The following UHRF2 variants were observed in gnomAD, a reference collection of about 807,000 sequenced individuals.
The protein encoded by UHRF2 is E3 ubiquitin-protein ligase UHRF2.
In UHRF2, 23 loss-of-function variants were observed where a neutral mutation model predicts 96.8. That is an observed-to-expected ratio of 0.24 (90% CI 0.17 to 0.34). The LOEUF (loss-of-function observed/expected upper bound fraction) is 0.34, where lower values mean the gene tolerates loss of function less well. Ranked by LOEUF, UHRF2 falls within the 10% of genes least tolerant of loss-of-function variation. The pLI is 1.00. For missense variants in UHRF2, 685 were observed against 981.5 expected, an observed-to-expected ratio of 0.70 and a Z score of 4.04; for synonymous variants, 385 against 332.6, an observed-to-expected ratio of 1.16 and a Z score of -1.72.
intron 5 of UHRF2, among the ~76,000 whole-genome samples, chr9:6,475,867 A>AT (rs1164348969): frequency 6.6e-6 from 1 of 152,144 alleles, no homozygotes; most frequent in Non-Finnish European, 1.5e-5. Flanking sequence ...ACATTCTATC[A>AT]TTTTTTGTGT....
chr9:6,485,823 A>C (rs1243873528), intron 8 of UHRF2, among the ~76,000 whole-genome samples: 2 of 148,098 alleles, frequency 1.4e-5, no homozygotes, highest in African/African-American at 5.1e-5. Context: ...AAAAAAAAAA[A>C]AAAAACAAAA....
At chr9:6,491,766 A>G (rs1487341397) in intron 9 of UHRF2, among the ~76,000 whole-genome samples, 1 of 152,212 alleles carries the variant, frequency 6.6e-6, no homozygotes, top group African/African-American at 2.4e-5. Flanking sequence ...GTGCAGATAG[A>G]GCTGCTTTAT....
intron 10 of UHRF2, 160 bp downstream of exon 10, chr9:6,494,092 C>G (rs1824828887): frequency 5.0e-6 from 3 of 598,532 alleles, no homozygotes; most frequent in South Asian, 4.8e-5. Context: ...TTTCAGCATC[C>G]TAACATATCT....
Position 6,431,595 on chromosome 9 carries a change from T to A in UHRF2, c.385-2319T>A, listed in dbSNP as rs187740495. Among the ~76,000 whole-genome samples, 31 of 152,260 alleles carry A rather than the reference T, an allele frequency of 2.0e-4. 1 individual carries two copies. Among genetic ancestry groups the A allele is most frequent in the Admixed American group, 1.7e-3 (26 of 15,292 alleles). The stretch of plus-strand genomic sequence containing the variant: ...TAGCCTGTCTTAAAAAAAAAAATTC[T>A]TACGTCCAGTTGTAAATCTAGGTTT... On this transcript the variant is annotated intron_variant, in intron 2 of 15. Transcript: ENST00000276893.
At chr9:6,416,194 G>C (rs1819589772) in intron 1 of UHRF2, among the ~76,000 whole-genome samples, 1 of 152,096 alleles carries the variant, frequency 6.6e-6, no homozygotes, top group Non-Finnish European at 1.5e-5. Context: ...CTCCCAAGTA[G>C]CTGGGACTAC....
At chr9:6,421,458 G>T (rs1211263057) in intron 2 of UHRF2, among the ~76,000 whole-genome samples, 1 of 152,188 alleles carries the variant, frequency 6.6e-6, no homozygotes, top group Admixed American at 6.5e-5. Context: ...TGTCACCCAG[G>T]CTGGAGTGCA....
chr9:6,486,334 A>G (rs2130925775), intron 8 of UHRF2, among the ~76,000 whole-genome samples: 1 of 152,230 alleles, frequency 6.6e-6, no homozygotes, highest in East Asian at 1.9e-4. Flanking sequence ...AAAATCAGCA[A>G]TCCTTGTAAC....
At position 6,506,728 on chromosome 9, in the gene UHRF2, T is replaced by G. The variant is rs1816601931; in HGVS notation, c.*549T>G. The G allele has an allele frequency of 6.5e-6, 1 of 152,800 alleles. No homozygotes were observed. The highest frequency in any genetic ancestry group is 2.1e-4 in the South Asian group (1 of 4,844). The allele number at this position is 152,800 out of a possible 1,614,324, so 9.5% of individuals were successfully genotyped here. The stretch of plus-strand genomic sequence containing the variant: ...TTAGCCCACTTTGTGAACTCCATTG[T>G]GCTTTTTTCTGGTGTTTTATGCAAG... On this transcript the variant is annotated 3_prime_UTR_variant, in exon 16 of 16. Coordinates refer to ENST00000276893, the MANE Select transcript of UHRF2 (RefSeq NM_152896.3).
At chr9:6,452,449 T>C (rs945818433) in intron 3 of UHRF2, among the ~76,000 whole-genome samples, 2 of 152,160 alleles carry the variant, frequency 1.3e-5, no homozygotes, top group African/African-American at 2.4e-5. Flanking sequence ...TGTCAACAAA[T>C]TGTAATCAAA....
In UHRF2 at chr9:6,474,601, A is replaced by G. The variant is rs190944138; in HGVS notation, c.864-790A>G. Among the ~76,000 whole-genome samples, 755 of 152,238 alleles carry G rather than the reference A, an allele frequency of 5.0e-3. 28 individuals carry two copies. The highest frequency in any genetic ancestry group is 0.046 in the Admixed American group (708 of 15,298). On this transcript the variant is annotated intron_variant, in intron 4 of 15. Coordinates refer to ENST00000276893, the MANE Select transcript of UHRF2 (RefSeq NM_152896.3). ...CAGGCCTGTAATCCCAGCTACTTGG[A>G]AGGCTGAGGCAGGAGAATTGCCTGA...
chr9:6,491,325 T>C (rs926126090), intron 9 of UHRF2, among the ~76,000 whole-genome samples: 56 of 152,340 alleles, frequency 3.7e-4, no homozygotes, highest in African/African-American at 1.3e-3. Flanking sequence ...AAATAAGATT[T>C]ATAGCACTTA....
chr9:6,424,750 G>T (rs1321814238), intron 2 of UHRF2, among the ~76,000 whole-genome samples: 1 of 146,152 alleles, frequency 6.8e-6, no homozygotes, highest in African/African-American at 2.5e-5. Context: ...AATCTCCTTT[G>T]ACATTGACTG....
intron 10 of UHRF2, chr9:6,496,571 A>C (rs1824984739): frequency 1.3e-5 from 2 of 152,208 alleles, no homozygotes. Flanking sequence ...GATCTCAAGC[A>C]GCCAGAAGTC....
intron 12 of UHRF2, 141 bp downstream of exon 12, chr9:6,498,299 C>A: frequency 1.1e-6 from 1 of 910,810 alleles, no homozygotes; most frequent in Non-Finnish European, 1.5e-6. Context: ...TGCAAATAGA[C>A]AGAGGAAAAG....
chr9:6,498,029 C>G lies in UHRF2; in HGVS notation c.1779C>G (p.Tyr593Ter). Residue 593 changes from tyrosine (Y) to a stop codon, truncating the protein, a stop_gained, in exon 12 of 16, where the codon TAC (tyrosine) becomes TAG (stop). Transcript: ENST00000276893. LOFTEE classifies it high-confidence loss of function. The stretch of plus-strand genomic sequence containing the variant: ...ATATTGTGATTTAGGTGGTGAAATA[C>G]TGGCCAGAGATTTCATCAAGCCATG... Reference protein sequence around the residue: ...RYDGIYKVVKYWPEISSSHGF... With the variant: ...RYDGIYKVVK 2 of 1,612,626 alleles carry G rather than the reference C, an allele frequency of 1.2e-6. No individual in the cohort carries two copies. Among genetic ancestry groups the G allele is most frequent in the Non-Finnish European group, 1.7e-6 (2 of 1,179,866 alleles).
chr9:6,486,760 T>G (rs1824313436), intron 8 of UHRF2, 61 bp from the exon 9 acceptor site: 1 of 1,528,086 alleles, frequency 6.5e-7, no homozygotes. Flanking sequence ...TATGAAAGCA[T>G]TTTGTAAATG....
chr9:6,435,307 G>T (rs908624209), intron 3 of UHRF2, among the ~76,000 whole-genome samples: 1 of 151,762 alleles, frequency 6.6e-6, no homozygotes, highest in African/African-American at 2.4e-5. Flanking sequence ...TAATTTTTTT[G>T]TAGAGATGTG....
At position 6,477,318 on chromosome 9, in the gene UHRF2, A is replaced by T. The variant is rs140009163; in HGVS notation, c.974-304A>T. On this transcript the variant is annotated intron_variant, in intron 5 of 15. Coordinates refer to ENST00000276893, the MANE Select transcript of UHRF2 (RefSeq NM_152896.3). ...GGCGGGCAGATCACCTGAGGTTGGA[A>T]GTTTGAGACCAGCCTGACCAACATG... is the stretch of plus-strand genomic sequence containing the variant. Among the ~76,000 whole-genome samples the T allele has an allele frequency of 5.9e-5, 9 of 152,120 alleles. No homozygotes were observed. The East Asian group carries it at 1.7e-3, about 29-fold the overall frequency.
chr9:6,420,715 A>AG (rs1203652678), intron 1 of UHRF2, among the ~76,000 whole-genome samples, 197 bp from the exon 2 acceptor site: 3 of 151,878 alleles, frequency 2.0e-5, no homozygotes, highest in Non-Finnish European at 4.4e-5. Flanking sequence ...TCAAAAAAAA[A>AG]AAAAAAGAGA....
Sources: allele counts gnomAD v4.1 joint callset (sites outside exome capture counted in the v4.1 genomes callset), GRCh38; gene constraint gnomAD v4.1.1; transcripts MANE v1.5; gene names NCBI Gene and HGNC (gene_info 2026-07-23, HGNC 2026-07-21).